Variants in SPACA7 observed in about 807,000 individuals in gnomAD.
SPACA7 encodes the protein sperm acrosome associated 7, also known as sperm acrosome-associated protein 7.
SPACA7 carries 19 observed loss-of-function variants against 26.3 expected under a neutral mutation model. That is an observed-to-expected ratio of 0.72 (90% CI 0.50 to 1.06). SPACA7 has a LOEUF of 1.06. Ranked by LOEUF, SPACA7 falls within the 50% of genes least tolerant of loss-of-function variation. The pLI is 0.00. For synonymous variants in SPACA7, 84 were observed against 84.5 expected (o/e 0.99, Z 0.04); for missense variants, 211 against 229.9 (o/e 0.92, Z 0.53).
chr13:112,431,055 G>T (rs1877080075), intron 5 of SPACA7, among the ~76,000 whole-genome samples: 1 of 152,290 alleles, frequency 6.6e-6, no homozygotes, highest in African/African-American at 2.4e-5. Context: ...GGAGGAAACT[G>T]GTAGTGAGGA....
chr13:112,393,803 T>C (rs1338571066), intron 2 of SPACA7, among the ~76,000 whole-genome samples: 2 of 151,962 alleles, frequency 1.3e-5, no homozygotes, highest in Admixed American at 6.6e-5. Flanking sequence ...CTGGCCAACA[T>C]GGTGAAACCC....
intron 5 of SPACA7, among the ~76,000 whole-genome samples, chr13:112,405,683 C>CTTTTTTTT (rs1399774305): frequency 6.6e-6 from 1 of 152,074 alleles, no homozygotes; most frequent in Non-Finnish European, 1.5e-5. Context: ...TAACAACAAC[C>CTTTTTTTT]TTTTGATTAT....
intron 1 of SPACA7, among the ~76,000 whole-genome samples, chr13:112,383,111 AAAAGAAAAGAAAAGAAAG>A (rs1162969951): frequency 0.042 from 3,237 of 77,570 alleles, 46 homozygotes; most frequent in East Asian, 0.053. Context: ...GAAAGAAAAG[AAAAGAAAAGAAAAGAAAG>A]AAAGAAAGAA....
chr13:112,386,495 T>A (rs1005170222), intron 1 of SPACA7, among the ~76,000 whole-genome samples: 1 of 152,088 alleles, frequency 6.6e-6, no homozygotes, highest in Non-Finnish European at 1.5e-5. Flanking sequence ...TTTTTGTTTG[T>A]TTTTTGGTGT....
At chr13:112,386,626 A>G (rs1208756145) in intron 1 of SPACA7, among the ~76,000 whole-genome samples, 1 of 152,120 alleles carries the variant, frequency 6.6e-6, no homozygotes, top group African/African-American at 2.4e-5. Context: ...AAAAAAATGG[A>G]GACAAATAGT....
intron 2 of SPACA7, among the ~76,000 whole-genome samples, chr13:112,395,259 C>G (rs537554281): frequency 6.6e-6 from 1 of 152,318 alleles, no homozygotes; most frequent in East Asian, 1.9e-4. Context: ...GTGTGGCTTT[C>G]TCTGGTCGGC....
At chr13:112,395,028 C>T (rs527324364) in intron 2 of SPACA7, among the ~76,000 whole-genome samples, 2 of 152,170 alleles carry the variant, frequency 1.3e-5, no homozygotes, top group Admixed American at 1.3e-4. Context: ...CAGGCCAGGC[C>T]GAGACTCTCT....
At chr13:112,393,229 CT>C in intron 2 of SPACA7, 152 bp downstream of exon 2, 1 of 551,242 alleles carries the variant, frequency 1.8e-6, no homozygotes, top group Non-Finnish European at 3.3e-6. Flanking sequence ...TGGCCCATAG[CT>C]TTACTGCTGA....
At chr13:112,431,996 G>A (rs1167641959) in intron 5 of SPACA7, among the ~76,000 whole-genome samples, 6 of 152,210 alleles carry the variant, frequency 3.9e-5, no homozygotes, top group Admixed American at 1.3e-4. Flanking sequence ...GGCTGGCCAC[G>A]AAGAAAGGTG....
At chr13:112,389,316 C>T (rs938682607) in intron 1 of SPACA7, among the ~76,000 whole-genome samples, 1 of 152,204 alleles carries the variant, frequency 6.6e-6, no homozygotes, top group Non-Finnish European at 1.5e-5. Context: ...TTCACTATAA[C>T]ACCAAATAAA....
At chr13:112,432,269 T>C (rs1271866810) in intron 5 of SPACA7, among the ~76,000 whole-genome samples, 175 bp from the exon 6 acceptor site, 1 of 152,216 alleles carries the variant, frequency 6.6e-6, no homozygotes, top group East Asian at 1.9e-4. Flanking sequence ...GGAAATGTTT[T>C]TGATGGCCTC....
At chr13:112,421,710 A>C (rs1215582832) in intron 5 of SPACA7, among the ~76,000 whole-genome samples, 1 of 152,228 alleles carries the variant, frequency 6.6e-6, no homozygotes, top group Non-Finnish European at 1.5e-5. Flanking sequence ...AAATCACCCT[A>C]AATGCCAATC....
chr13:112,401,226 G>A (rs1205988741), intron 5 of SPACA7, 62 bp downstream of exon 5: 3 of 1,331,714 alleles, frequency 2.3e-6, no homozygotes, highest in Admixed American at 1.7e-5. Context: ...AGTGTGTGAG[G>A]TGACTGTCTC....
chr13:112,409,575 CAAAAG>C (rs1358776789), intron 5 of SPACA7, among the ~76,000 whole-genome samples: 1 of 152,140 alleles, frequency 6.6e-6, no homozygotes, highest in African/African-American at 2.4e-5. Context: ...AGACACTTCT[CAAAAG>C]AAGACATTTA....
Position 112,396,307 on chromosome 13 carries a change from T to C in SPACA7, c.152-1742T>C, listed in dbSNP as rs145196346. Among the ~76,000 whole-genome samples the C allele has an allele frequency of 6.6e-5, 10 of 151,986 alleles. No homozygotes were observed. The East Asian group carries it at 1.9e-3, about 29-fold the overall frequency. Reference sequence around the variant, plus strand: ...AACAATGGGGCAACCGAAGCCAGAGTTGGCCAGGAAGTTCAGACAGTGCCC... The same window carrying C: ...AACAATGGGGCAACCGAAGCCAGAGCTGGCCAGGAAGTTCAGACAGTGCCC... On this transcript the variant is annotated intron_variant, in intron 2 of 6. Transcript: ENST00000283550.
rs558337644 is a variant in SPACA7 at position 112,427,215 on chromosome 13, G to A, written c.446-5229G>A. On this transcript the variant is annotated intron_variant, in intron 5 of 6. Coordinates refer to ENST00000283550, the MANE Select transcript of SPACA7 (RefSeq NM_145248.5). ...AATGTGGGCTCTGTTCCTCGAGCCTGCCACGGGAACACAAAAGCAACGTGA... is the reference window on the plus strand; with the variant it reads ...AATGTGGGCTCTGTTCCTCGAGCCTACCACGGGAACACAAAAGCAACGTGA... Among the ~76,000 whole-genome samples, 5 of 152,288 alleles carry A rather than the reference G, an allele frequency of 3.3e-5. No homozygotes were observed. In the South Asian group the frequency reaches 1.0e-3, roughly 32 times the overall value.
chr13:112,385,594 AT>A (rs1884474953), intron 1 of SPACA7, among the ~76,000 whole-genome samples: 1 of 152,210 alleles, frequency 6.6e-6, no homozygotes, highest in African/African-American at 2.4e-5. Context: ...AAATTGAACA[AT>A]TTTTAAAAGT....
chr13:112,400,109 G>A (rs1885540902), intron 4 of SPACA7, among the ~76,000 whole-genome samples: 1 of 151,348 alleles, frequency 6.6e-6, no homozygotes, highest in Admixed American at 6.6e-5. Context: ...GGACACACAT[G>A]TAGGACATCT....
chr13:112,394,012 A>T (rs1159070286), intron 2 of SPACA7, among the ~76,000 whole-genome samples: 1 of 151,762 alleles, frequency 6.6e-6, no homozygotes, highest in Non-Finnish European at 1.5e-5. Flanking sequence ...CACAGATGAA[A>T]CTCATTGTAA....
Sources: gnomAD v4.1 joint callset for allele counts (sites outside exome capture counted in the v4.1 genomes callset) on GRCh38, gnomAD v4.1.1 for gene constraint, MANE v1.5 for transcripts, NCBI Gene and HGNC (gene_info 2026-07-23, HGNC 2026-07-21) for gene names.